Variants in CCNY observed in about 807,000 individuals in gnomAD.
The protein encoded by CCNY is cyclin-Y.
CCNY carries 19 observed loss-of-function variants against 42.8 expected under a neutral mutation model. The ratio of observed to expected loss-of-function variants is 0.44; its 90% CI spans 0.31 to 0.65. The LOEUF (loss-of-function observed/expected upper bound fraction) is 0.65. CCNY is among the 30% of genes least tolerant of loss of function. The pLI, the probability that CCNY is intolerant of heterozygous loss-of-function variation, is 0.07. For missense variants in CCNY, 370 were observed against 437.3 expected, an observed-to-expected ratio of 0.85 and a Z score of 1.37; for synonymous variants, 165 against 162.7, an observed-to-expected ratio of 1.01 and a Z score of -0.11.
intron 1 of CCNY, among the ~76,000 whole-genome samples, chr10:35,473,594 C>A (rs376115679): frequency 6.6e-6 from 1 of 152,064 alleles, no homozygotes; most frequent in South Asian, 2.1e-4. Flanking sequence ...ATCATGTGAA[C>A]AATTAGTGTT....
chr10:35,257,360 C>T (rs2095716465), intron 3 of CCNY, among the ~76,000 whole-genome samples: 1 of 148,600 alleles, frequency 6.7e-6, no homozygotes. Flanking sequence ...TCAGGCTGGT[C>T]TCAGACTCCT....
chr10:35,478,963 C>G (rs1839589364), intron 1 of CCNY, among the ~76,000 whole-genome samples: 2 of 152,230 alleles, frequency 1.3e-5, no homozygotes, highest in South Asian at 4.1e-4. Context: ...ACAGACACTT[C>G]TCAAAAGAAG....
At chr10:35,362,235 A>G (rs1274521934) in intron 1 of CCNY, among the ~76,000 whole-genome samples, 2 of 152,254 alleles carry the variant, frequency 1.3e-5, no homozygotes, top group Admixed American at 1.3e-4. Flanking sequence ...GATACATACT[A>G]TGTTGTACAG....
At chr10:35,546,195 A>C (rs921505401) in intron 7 of CCNY, among the ~76,000 whole-genome samples, 3 of 152,240 alleles carry the variant, frequency 2.0e-5, no homozygotes, top group Admixed American at 6.5e-5. Context: ...GAAAGAAATT[A>C]TATCTGGTAC....
chr10:35,473,715 T>C (rs1382015021), intron 1 of CCNY, among the ~76,000 whole-genome samples: 1 of 152,246 alleles, frequency 6.6e-6, no homozygotes, highest in Non-Finnish European at 1.5e-5. Flanking sequence ...AATTTTAAGC[T>C]CAGTATTCCA....
chr10:35,301,342 A>G (rs1204212101), intron 3 of CCNY, among the ~76,000 whole-genome samples: 1 of 152,224 alleles, frequency 6.6e-6, no homozygotes, highest in African/African-American at 2.4e-5. Context: ...ATCTATTTCC[A>G]TTAACACTAG....
At chr10:35,525,880 A>G in intron 4 of CCNY, 84 bp from the exon 5 acceptor site, 6 of 1,176,222 alleles carry the variant, frequency 5.1e-6, no homozygotes, top group Non-Finnish European at 4.9e-6. Flanking sequence ...CTGTTTAAAT[A>G]TTTATGTTCA....
In CCNY at chr10:35,312,432, CCT is replaced by C. The variant is rs200696010; in HGVS notation, c.-9+61807_-9+61808del. 7.2e-3 allele frequency among the ~76,000 whole-genome samples: 1,090 copies of C among 151,406 alleles called. 12 individuals carry two copies. Among genetic ancestry groups the C allele is most frequent in the African/African-American group, 0.025 (1,027 of 41,220 alleles). ...AATGTTAATTAGGTACTTGTAAACCCCTGTCTGTGCAAACTAATGCATGTGGG... is the reference window on the plus strand; with the variant it reads ...AATGTTAATTAGGTACTTGTAAACCCGTCTGTGCAAACTAATGCATGTGGG... On this transcript the variant is annotated intron_variant, in intron 3 of 11. Transcript: ENST00000374706.
At chr10:35,342,807 G>C (rs1836212054) in intron 1 of CCNY, among the ~76,000 whole-genome samples, 1 of 152,044 alleles carries the variant, frequency 6.6e-6, no homozygotes. Flanking sequence ...TGGCAGCTGG[G>C]GTTCGGTCTG....
At chr10:35,391,830 T>G (rs1837420330) in intron 1 of CCNY, among the ~76,000 whole-genome samples, 1 of 152,042 alleles carries the variant, frequency 6.6e-6, no homozygotes, top group Non-Finnish European at 1.5e-5. Flanking sequence ...GTTATCCCCC[T>G]CCTACTCCCC....
intron 1 of CCNY, among the ~76,000 whole-genome samples, chr10:35,468,320 A>C (rs2135341100): frequency 6.6e-6 from 1 of 152,204 alleles, no homozygotes; most frequent in South Asian, 2.1e-4. Flanking sequence ...ATACTGTCAC[A>C]CTGGGAGCTA....
At chr10:35,365,349 G>A (rs1836787220) in intron 1 of CCNY, among the ~76,000 whole-genome samples, 1 of 152,096 alleles carries the variant, frequency 6.6e-6, no homozygotes, top group African/African-American at 2.4e-5. Flanking sequence ...AGTGGTTGCT[G>A]TTTTTACTGC....
chr10:35,334,002 G>A (rs906575392), upstream of CCNY, among the ~76,000 whole-genome samples: 2 of 142,820 alleles, frequency 1.4e-5, no homozygotes, highest in Non-Finnish European at 3.0e-5. Flanking sequence ...ACATACCTAA[G>A]GGGAATATGG....
intron 1 of CCNY, among the ~76,000 whole-genome samples, chr10:35,358,432 G>C (rs1836609660): frequency 6.6e-6 from 1 of 152,192 alleles, no homozygotes; most frequent in South Asian, 2.1e-4. Flanking sequence ...CTCAAGGATG[G>C]CAGGATTCAG....
intron 1 of CCNY, among the ~76,000 whole-genome samples, chr10:35,337,732 GT>G (rs3215622): frequency 0.37 from 56,710 of 151,648 alleles, 10,800 homozygotes; most frequent in African/African-American, 0.43. Flanking sequence ...CCATTCTACC[GT>G]TTTTTTTAAA....
At chr10:35,538,389 T>G (rs1048107893) in intron 7 of CCNY, among the ~76,000 whole-genome samples, 3 of 152,254 alleles carry the variant, frequency 2.0e-5, no homozygotes, top group African/African-American at 7.2e-5. Context: ...GCAGATTGAC[T>G]GTTTTTCAAA....
intron 1 of CCNY, among the ~76,000 whole-genome samples, chr10:35,448,674 G>A (rs1260487608): frequency 6.6e-6 from 1 of 152,062 alleles, no homozygotes; most frequent in Non-Finnish European, 1.5e-5. Flanking sequence ...AGCAGAGTGG[G>A]CATGCGCCTG....
rs150673196 is a variant in CCNY at position 35,445,333 on chromosome 10, C to T, written c.155-38071C>T. Among the ~76,000 whole-genome samples, 225 of 152,346 alleles carry T rather than the reference C, an allele frequency of 1.5e-3. 2 individuals are homozygous for T. Among genetic ancestry groups the T allele is most frequent in the African/African-American group, 5.3e-3 (220 of 41,584 alleles). On this transcript the variant is annotated intron_variant, in intron 1 of 9. Coordinates refer to ENST00000374704, the MANE Select transcript of CCNY (RefSeq NM_145012.6). ...TGCAGACATTACTAAACCATTACTG[C>T]TGTTTCCCACGGAGCCTGTGGGATC... is the stretch of plus-strand genomic sequence containing the variant.
At chr10:35,420,452 G>C (rs1465697938) in intron 1 of CCNY, among the ~76,000 whole-genome samples, 1 of 152,172 alleles carries the variant, frequency 6.6e-6, no homozygotes, top group East Asian at 1.9e-4. Flanking sequence ...ATATTTTGGG[G>C]TCTCTGATTT....
Sources: gnomAD v4.1 joint callset for allele counts (sites outside exome capture counted in the v4.1 genomes callset) on GRCh38, gnomAD v4.1.1 for gene constraint, MANE v1.5 for transcripts, NCBI Gene and HGNC (gene_info 2026-07-23, HGNC 2026-07-21) for gene names.